Variants in ARL3 observed in about 807,000 individuals in gnomAD.
The protein encoded by ARL3 is ARF like GTPase 3, also known as ADP-ribosylation factor-like protein 3.
Under a neutral mutation model 26.0 loss-of-function variants are expected in ARL3, and 9 were observed. The observed-to-expected ratio is 0.35, with a 90% confidence interval of 0.21 to 0.60. The LOEUF is 0.60. Among genes scored for constraint, ARL3 ranks in the 20% least tolerant of loss-of-function variants. The pLI, the probability that ARL3 is intolerant of heterozygous loss-of-function variation, is 0.78. For synonymous variants in ARL3, 71 were observed against 78.4 expected (o/e 0.91, Z 0.50); for missense variants, 158 against 215.7 (o/e 0.73, Z 1.67).
intron 2 of ARL3, among the ~76,000 whole-genome samples, chr10:102,704,303 T>C (rs942072940): frequency 6.6e-6 from 1 of 152,140 alleles, no homozygotes; most frequent in African/African-American, 2.4e-5. Flanking sequence ...CTGTGTTTTC[T>C]ACATGCACTA....
At chr10:102,703,398 G>A (rs1288577922) in intron 2 of ARL3, among the ~76,000 whole-genome samples, 2 of 134,186 alleles carry the variant, frequency 1.5e-5, no homozygotes, top group East Asian at 4.6e-4. Context: ...GGGATTACAG[G>A]CATGAGCCAT....
Position 102,689,849 on chromosome 10 carries a change from C to CAT in ARL3, c.315+42_315+43dup, listed in dbSNP as rs368682404. The CAT allele has an allele frequency of 1.4e-3, 1,694 of 1,215,608 alleles. 3 individuals are homozygous for CAT. Among genetic ancestry groups the CAT allele is most frequent in the East Asian group, 4.2e-3 (161 of 38,020 alleles). 75.3% of individuals were successfully genotyped at this position (1,215,608 alleles called of 1,614,324 possible). The stretch of plus-strand genomic sequence containing the variant: ...CGTCTCAAAAAAAAAAAAGTACATA[C>CAT]ATATATATATATAAGAACTTTGATA... On this transcript the variant is annotated intron_variant, in intron 4 of 5. Transcript: ENST00000260746.
At chr10:102,706,442 C>G (rs918355619) in intron 1 of ARL3, among the ~76,000 whole-genome samples, 3 of 151,660 alleles carry the variant, frequency 2.0e-5, no homozygotes, top group African/African-American at 7.3e-5. Context: ...CAGAGCAAGA[C>G]TCCGTCTCAA....
At chr10:102,714,251 G>C in intron 1 of ARL3, 22 bp downstream of exon 1, 9 of 1,313,322 alleles carry the variant, frequency 6.9e-6, no homozygotes, top group Non-Finnish European at 8.8e-6. Flanking sequence ...GGCTCCAAGG[G>C]GGCCCAGGCC....
intron 3 of ARL3, among the ~76,000 whole-genome samples, chr10:102,690,678 A>G (rs376415118): frequency 1.3e-5 from 2 of 152,324 alleles, no homozygotes. Context: ...TATCTTGAAA[A>G]GACATTTATA....
chr10:102,682,680 C>G (rs1186060610), intron 5 of ARL3, among the ~76,000 whole-genome samples: 1 of 152,226 alleles, frequency 6.6e-6, no homozygotes, highest in Non-Finnish European at 1.5e-5. Flanking sequence ...CCCCGTGAGG[C>G]TACCTATTGT....
In ARL3 at chr10:102,714,283, C is replaced by T; in HGVS notation, c.-8G>A. 7.6e-7 allele frequency: 1 copy of T among 1,312,800 alleles called. No homozygotes were observed. The highest frequency in any genetic ancestry group is 9.8e-7 in the Non-Finnish European group (1 of 1,022,328). The allele number at this position is 1,312,800 out of a possible 1,614,324, so 81.3% of individuals were successfully genotyped here. ...GGCCCCCACACTCACCATCCTCCCG[C>T]CGAGTCCCTCCTCCTCCTCCTCCTC... is the stretch of plus-strand genomic sequence containing the variant. On this transcript the variant is annotated 5_prime_UTR_variant, in exon 1 of 6. Transcript: ENST00000260746.
intron 3 of ARL3, among the ~76,000 whole-genome samples, chr10:102,691,957 TCAAACAGCA>T (rs749141686): frequency 3.3e-5 from 5 of 152,192 alleles, no homozygotes; most frequent in Non-Finnish European, 7.4e-5. Flanking sequence ...TTGTTTAATC[TCAAACAGCA>T]CTGGAAAATA....
At chr10:102,704,529 A>C (rs2064298109) in intron 2 of ARL3, among the ~76,000 whole-genome samples, 1 of 152,164 alleles carries the variant, frequency 6.6e-6, no homozygotes, top group Non-Finnish European at 1.5e-5. Flanking sequence ...AATCCCAGCT[A>C]CTAGGGAGGC....
At chr10:102,699,341 C>T (rs767291581) in intron 3 of ARL3, 32 bp downstream of exon 3, 2 of 1,322,728 alleles carry the variant, frequency 1.5e-6, no homozygotes, top group Admixed American at 3.4e-5. Flanking sequence ...GCAGAAAATA[C>T]TATGAATTAG....
At position 102,675,018 on chromosome 10, in the gene ARL3, G is replaced by A. The variant is rs1191847622; in HGVS notation, c.*1876C>T. Reference sequence around the variant, plus strand: ...AGGCATTTTGCCCCTCAGATAACTTGTCCCTGCTGAACTATTCGGAAGAAA... The same window carrying A: ...AGGCATTTTGCCCCTCAGATAACTTATCCCTGCTGAACTATTCGGAAGAAA... On this transcript the variant is annotated 3_prime_UTR_variant, in exon 6 of 6. Transcript: ENST00000260746. The A allele has an allele frequency of 5.3e-5, 8 of 152,200 alleles. No individual in the cohort carries two copies. Among genetic ancestry groups the A allele is most frequent in the African/African-American group, 1.4e-4 (6 of 41,452 alleles). 9.4% of individuals were successfully genotyped at this position (152,200 alleles called of 1,614,324 possible).
chr10:102,708,908 A>ATATATTTTTTT lies in ARL3; in HGVS notation c.4-3420_4-3419insAAAAAAATATA. On this transcript the variant is annotated intron_variant, in intron 1 of 5. Coordinates refer to ENST00000260746, the MANE Select transcript of ARL3 (RefSeq NM_004311.4). ...ATATTATATATATATATATATATAT[A>ATATATTTTTTT]TTTTTTTTTTTTTTGAGACAAGGTC... 1.2e-4 allele frequency among the ~76,000 whole-genome samples: 11 copies of ATATATTTTTTT among 95,326 alleles called. 1 individual carries two copies. In the East Asian group the frequency reaches 2.5e-3, roughly 21 times the overall value. 62.5% of individuals were successfully genotyped at this position (95,326 alleles called of 152,430 possible).
Position 102,676,262 on chromosome 10 carries a change from CT to C in ARL3, c.*631del, listed in dbSNP as rs35266514. 47,817 of 138,866 alleles carry C rather than the reference CT, an allele frequency of 0.34. 9,046 individuals carry two copies. Among genetic ancestry groups the C allele is most frequent in the South Asian group, 0.58 (2,616 of 4,540 alleles). 8.6% of individuals were successfully genotyped at this position (138,866 alleles called of 1,614,324 possible). ...TGTAGTGACTTGTCTGCAAGAAAGACTTTTTTTTTTTTTTCTGTCCAAAGAG... is the reference window on the plus strand; with the variant it reads ...TGTAGTGACTTGTCTGCAAGAAAGACTTTTTTTTTTTTTCTGTCCAAAGAG... On this transcript the variant is annotated 3_prime_UTR_variant, in exon 6 of 6. Transcript: ENST00000260746.
intron 2 of ARL3, among the ~76,000 whole-genome samples, chr10:102,703,140 T>TTTTTTTA (rs2064289393): frequency 1.3e-5 from 2 of 149,106 alleles, no homozygotes; most frequent in Non-Finnish European, 1.5e-5. Flanking sequence ...TTTTTTTTTT[T>TTTTTTTA]GAGACGGAGT....
chr10:102,708,910 T>A (rs7072001), intron 1 of ARL3, among the ~76,000 whole-genome samples: 6,475 of 65,642 alleles, frequency 0.099, 469 homozygotes, highest in African/African-American at 0.27. Context: ...ATATATATAT[T>A]TTTTTTTTTT....
At position 102,677,741 on chromosome 10, in the gene ARL3, A is replaced by G. The variant is rs186590877; in HGVS notation, c.502-800T>C. ...AAACCTGGACACTCTCCCCTTCCCT[A>G]GAGTCTCCCCAACCTTCAAGAGTGT... On this transcript the variant is annotated intron_variant, in intron 5 of 5. Transcript: ENST00000260746. Among the ~76,000 whole-genome samples, 8 of 152,248 alleles carry G rather than the reference A, an allele frequency of 5.3e-5. No individual in the cohort carries two copies. In the East Asian group the frequency reaches 1.5e-3, roughly 29 times the overall value.
chr10:102,674,224 C>T lies in ARL3; in HGVS notation c.*2670G>A, dbSNP rs567596265. 1.3e-5 allele frequency: 2 copies of T among 152,394 alleles called. No individual in the cohort carries two copies. The highest frequency in any genetic ancestry group is 2.9e-5 in the Non-Finnish European group (2 of 68,014). 9.4% of individuals were successfully genotyped at this position (152,394 alleles called of 1,614,324 possible). A position where few individuals can be genotyped will look rare whatever the true frequency, so the allele number is the denominator to read the frequency against. On this transcript the variant is annotated 3_prime_UTR_variant, in exon 6 of 6. Transcript: ENST00000260746. The stretch of plus-strand genomic sequence containing the variant: ...CGTGGGAGCTGCGGACTCCTTTAAC[C>T]CTGGCACATTTCTAACCGCCGGCAT...
intron 3 of ARL3, among the ~76,000 whole-genome samples, chr10:102,690,701 C>A (rs1365030751): frequency 6.6e-6 from 1 of 152,098 alleles, no homozygotes; most frequent in Non-Finnish European, 1.5e-5. Flanking sequence ...TGTCAAAAGG[C>A]TGTTATTATT....
At chr10:102,689,677 CAA>C (rs2064206463) in intron 4 of ARL3, among the ~76,000 whole-genome samples, 2 of 151,360 alleles carry the variant, frequency 1.3e-5, no homozygotes, top group Non-Finnish European at 2.9e-5. Context: ...ACTAAAAATA[CAA>C]AATTAGCCAG....
Sources: gnomAD v4.1 joint callset for allele counts (sites outside exome capture counted in the v4.1 genomes callset) on GRCh38, gnomAD v4.1.1 for gene constraint, MANE v1.5 for transcripts, NCBI Gene and HGNC (gene_info 2026-07-23, HGNC 2026-07-21) for gene names.